GABRB2: variants seen among roughly 807,000 people sequenced by gnomAD.
GABRB2 encodes the protein gamma-aminobutyric acid type A receptor subunit beta2.
In GABRB2, 16 loss-of-function variants were observed where a neutral mutation model predicts 54.7. The observed-to-expected ratio is 0.29, with a 90% CI of 0.20 to 0.44. The LOEUF is 0.44. Among genes scored for constraint, GABRB2 ranks in the 20% least tolerant of loss-of-function variants. The pLI, the probability that GABRB2 is intolerant of heterozygous loss-of-function variation, is 1.00. For synonymous variants in GABRB2, 244 were observed against 233.8 expected, an observed-to-expected ratio of 1.04 and a Z score of -0.40; for missense variants, 355 against 644.0, an observed-to-expected ratio of 0.55 and a Z score of 4.86.
At chr5:161,440,776 G>C (rs533943938) in intron 4 of GABRB2, among the ~76,000 whole-genome samples, 30 of 152,174 alleles carry the variant, frequency 2.0e-4, no homozygotes, top group African/African-American at 3.9e-4. Context: ...CAGACACATA[G>C]ACAAATGGAG....
At chr5:161,502,748 A>C (rs1759490510) in intron 3 of GABRB2, among the ~76,000 whole-genome samples, 1 of 152,204 alleles carries the variant, frequency 6.6e-6, no homozygotes, top group Non-Finnish European at 1.5e-5. Context: ...TAGGAAGAAA[A>C]AAGATTAAGA....
intron 2 of GABRB2, among the ~76,000 whole-genome samples, chr5:161,545,975 G>C (rs539995944): frequency 1.3e-5 from 2 of 152,286 alleles, no homozygotes; most frequent in South Asian, 4.2e-4. Flanking sequence ...AAATGTTAAC[G>C]GTGGCCTTCC....
At chr5:161,341,196 T>C (rs2113415946) in intron 5 of GABRB2, among the ~76,000 whole-genome samples, 1 of 152,096 alleles carries the variant, frequency 6.6e-6, no homozygotes, top group Non-Finnish European at 1.5e-5. Context: ...GGATATTCTC[T>C]GGAGGAATAT....
At chr5:161,393,299 TAAAAAAAAAAAAAAAAAAAAAAAAAAAAA>T (rs533308700) in intron 5 of GABRB2, among the ~76,000 whole-genome samples, 13 of 40,248 alleles carry the variant, frequency 3.2e-4, no homozygotes, top group African/African-American at 7.7e-4. Flanking sequence ...TTTAAAAATG[TAAAAAAAAAAAAAAAAAAAAAAAAAAAAA>T]AAAAAAAAAA....
intron 9 of GABRB2, among the ~76,000 whole-genome samples, chr5:161,302,644 T>A (rs570882181): frequency 6.6e-5 from 10 of 152,288 alleles, no homozygotes; most frequent in African/African-American, 2.4e-4. Context: ...CTGTGACTTG[T>A]GTGTGGGTAG....
chr5:161,333,679 C>G (rs1458768501), intron 7 of GABRB2, among the ~76,000 whole-genome samples: 1 of 152,142 alleles, frequency 6.6e-6, no homozygotes, highest in African/African-American at 2.4e-5. Flanking sequence ...TGCTACTTCC[C>G]CTGAACTCAC....
chr5:161,289,400 T>C lies in GABRB2; in HGVS notation c.*4681A>G, dbSNP rs940840540. ...TTCCCCCATTATCTCATTTTTTTTT[T>C]CCTTTTTTGTTTTTCAATAATTCTG... is the stretch of plus-strand genomic sequence containing the variant. On this transcript the variant is annotated 3_prime_UTR_variant, in exon 10 of 10. Coordinates refer to ENST00000393959, the MANE Select transcript of GABRB2 (RefSeq NM_001371727.1). 1 of 151,294 alleles carries C rather than the reference T, an allele frequency of 6.6e-6. No homozygotes were observed. The highest frequency in any genetic ancestry group is 2.5e-5 in the African/African-American group (1 of 40,654). 9.4% of individuals were successfully genotyped at this position (151,294 alleles called of 1,614,324 possible).
rs115252467 is a variant in GABRB2 at position 161,396,551 on chromosome 5, G to A, written c.541+14424C>T. 2.6e-5 allele frequency among the ~76,000 whole-genome samples: 4 copies of A among 152,142 alleles called. No homozygotes were observed. The East Asian group carries it at 5.8e-4, about 22-fold the overall frequency. ...CATACTTTCTCTGAATTCTTTCCACGGTTTTCCAAGCCTAGTAAAGTATCA... is the reference window on the plus strand; with the variant it reads ...CATACTTTCTCTGAATTCTTTCCACAGTTTTCCAAGCCTAGTAAAGTATCA... On this transcript the variant is annotated intron_variant, in intron 5 of 9. Coordinates refer to ENST00000393959, the MANE Select transcript of GABRB2 (RefSeq NM_001371727.1).
At chr5:161,320,093 T>C (rs543096798) in intron 9 of GABRB2, among the ~76,000 whole-genome samples, 2 of 151,932 alleles carry the variant, frequency 1.3e-5, no homozygotes, top group African/African-American at 4.8e-5. Flanking sequence ...GTCTTTATTT[T>C]ACTTGTGGGT....
rs923297465 is a variant in GABRB2 at position 161,289,777 on chromosome 5, T to A, written c.*4304A>T. The A allele has an allele frequency of 2.9e-5, 4 of 140,216 alleles. No homozygotes were observed. Among genetic ancestry groups the A allele is most frequent in the Non-Finnish European group, 6.0e-5 (4 of 66,466 alleles). 8.7% of individuals were successfully genotyped at this position (140,216 alleles called of 1,614,324 possible). A position where few individuals can be genotyped will look rare whatever the true frequency, so the allele number is the denominator to read the frequency against. Reference sequence around the variant, plus strand: ...AGAGACAGAGTGGGTGAGCAAAAGATTATGTGTGTTTGAGTGTGTGTGTGT... The same window carrying A: ...AGAGACAGAGTGGGTGAGCAAAAGAATATGTGTGTTTGAGTGTGTGTGTGT... On this transcript the variant is annotated 3_prime_UTR_variant, in exon 10 of 10. Coordinates refer to ENST00000393959, the MANE Select transcript of GABRB2 (RefSeq NM_001371727.1).
chr5:161,385,693 G>A (rs1755603803), intron 5 of GABRB2, among the ~76,000 whole-genome samples: 1 of 152,148 alleles, frequency 6.6e-6, no homozygotes, highest in Non-Finnish European at 1.5e-5. Flanking sequence ...AATATTGGGT[G>A]ACACAAACAT....
intron 5 of GABRB2, 114 bp downstream of exon 5, chr5:161,410,861 G>A: frequency 1.5e-6 from 1 of 688,398 alleles, no homozygotes; most frequent in South Asian, 2.1e-5. Flanking sequence ...AAATTTAGTT[G>A]GGCTAGCAGA....
intron 3 of GABRB2, among the ~76,000 whole-genome samples, chr5:161,529,753 C>A (rs1029877935): frequency 6.6e-6 from 1 of 151,762 alleles, no homozygotes; most frequent in South Asian, 2.1e-4. Context: ...TTTCAATTGA[C>A]CCTTCTAAAT....
At chr5:161,510,468 G>T (rs573905824) in intron 3 of GABRB2, among the ~76,000 whole-genome samples, 1 of 151,784 alleles carries the variant, frequency 6.6e-6, no homozygotes, top group African/African-American at 2.4e-5. Flanking sequence ...GTACTACATT[G>T]TGTACATGTA....
chr5:161,343,500 A>G (rs1754232954), intron 5 of GABRB2, among the ~76,000 whole-genome samples: 1 of 152,052 alleles, frequency 6.6e-6, no homozygotes. Context: ...ATTCCAATGC[A>G]AAACTGTGTA....
intron 4 of GABRB2, among the ~76,000 whole-genome samples, chr5:161,456,160 T>A (rs1006229898): frequency 2.0e-5 from 3 of 152,186 alleles, no homozygotes; most frequent in African/African-American, 7.2e-5. Context: ...GCCTTGATAT[T>A]TAAAGTTTTT....
chr5:161,350,814 T>C (rs1351552464), intron 5 of GABRB2, among the ~76,000 whole-genome samples: 2 of 152,140 alleles, frequency 1.3e-5, no homozygotes, highest in East Asian at 3.9e-4. Context: ...CAATGCTTCC[T>C]GCCCTCGAAC....
intron 4 of GABRB2, among the ~76,000 whole-genome samples, chr5:161,411,867 T>A (rs1332380500): frequency 6.6e-6 from 1 of 152,096 alleles, no homozygotes; most frequent in Non-Finnish European, 1.5e-5. Flanking sequence ...TAATGAGGCA[T>A]CATAGGATCA....
intron 3 of GABRB2, among the ~76,000 whole-genome samples, chr5:161,544,690 G>A (rs1043450733): frequency 2.6e-5 from 4 of 152,122 alleles, no homozygotes; most frequent in African/African-American, 4.8e-5. Flanking sequence ...TATTTTGGTG[G>A]GCAGGAGGGA....
Sources: allele counts gnomAD v4.1 joint callset (sites outside exome capture counted in the v4.1 genomes callset), GRCh38; gene constraint gnomAD v4.1.1; transcripts MANE v1.5; gene names NCBI Gene and HGNC (gene_info 2026-07-23, HGNC 2026-07-21).